DNAH7: variants seen among roughly 807,000 people sequenced by gnomAD.
The protein encoded by DNAH7 is axonemal beta dynein heavy chain 7.
A neutral mutation model predicts 444.6 loss-of-function variants in DNAH7; 397 were observed. That is an observed-to-expected ratio of 0.89 (90% confidence interval 0.82 to 0.97). The LOEUF is 0.97. Among genes scored for constraint, DNAH7 ranks in the 50% least tolerant of loss-of-function variants. The pLI is 0.00. For synonymous variants in DNAH7, 1,636 were observed against 1,624.4 expected, an observed-to-expected ratio of 1.01 and a Z score of -0.17; for missense variants, 4,902 against 4,800.8, an observed-to-expected ratio of 1.02 and a Z score of -0.62.
At chr2:195,982,305 C>A (rs1692627132) in intron 15 of DNAH7, among the ~76,000 whole-genome samples, 1 of 152,134 alleles carries the variant, frequency 6.6e-6, no homozygotes, top group Non-Finnish European at 1.5e-5. Context: ...GTTAAAATGG[C>A]TTTTATCCAA....
chr2:195,992,085 A>C (rs995392140), intron 12 of DNAH7, among the ~76,000 whole-genome samples: 4 of 152,236 alleles, frequency 2.6e-5, no homozygotes, highest in Admixed American at 2.0e-4. Flanking sequence ...GTTGCAAAAA[A>C]TCAGCTTTGT....
chr2:195,816,793 G>C lies in DNAH7; in HGVS notation c.9596C>G (p.Thr3199Ser). Residue 3199 changes from threonine to serine, a missense_variant, in exon 51 of 65, where the codon ACC becomes AGC. Transcript: ENST00000312428. ...GGCAATAGGACGATAGCCCATGCGG[G>C]TGGTGTCAATCTTTTTCTCTGTCTC... ...AEETEKKIDT[T>S]RMGYRPIAIH... 6.2e-7 allele frequency: 1 copy of C among 1,614,078 alleles called. No homozygotes were observed. Among genetic ancestry groups the C allele is most frequent in the South Asian group, 1.1e-5 (1 of 91,082 alleles).
At chr2:195,930,717 C>T (rs1331932509) in intron 21 of DNAH7, among the ~76,000 whole-genome samples, 4 of 152,090 alleles carry the variant, frequency 2.6e-5, no homozygotes, top group African/African-American at 9.7e-5. Context: ...CAAAAAGACA[C>T]ATATACTCAT....
At chr2:195,821,597 G>A (rs532217709) in intron 49 of DNAH7, among the ~76,000 whole-genome samples, 1 of 152,332 alleles carries the variant, frequency 6.6e-6, no homozygotes, top group East Asian at 1.9e-4. Flanking sequence ...AAACGATTTA[G>A]AAGAGATGTG....
At chr2:195,968,958 G>GACGTGTA (rs1691662334) in intron 17 of DNAH7, among the ~76,000 whole-genome samples, 1 of 152,182 alleles carries the variant, frequency 6.6e-6, no homozygotes, top group Non-Finnish European at 1.5e-5. Flanking sequence ...GTCCCTCCCC[G>GACGTGTA]ACGTGTACAG....
chr2:196,024,586 C>T, intron 7 of DNAH7, 82 bp from the exon 8 acceptor site: 2 of 700,502 alleles, frequency 2.9e-6, no homozygotes, highest in Non-Finnish European at 4.4e-6. Context: ...GCTAGTTCTA[C>T]TAAGATTAAC....
Position 195,871,795 on chromosome 2 carries a change from G to T in DNAH7, c.6633+455C>A, listed in dbSNP as rs1368738155. On this transcript the variant is annotated intron_variant, in intron 40 of 64. Coordinates refer to ENST00000312428, the MANE Select transcript of DNAH7 (RefSeq NM_018897.3). ...AAATACAAAAAATTAGCCGGGCGTA[G>T]TGGCGGGCGCCTGTAGTCCCAGCTA... is the stretch of plus-strand genomic sequence containing the variant. Among the ~76,000 whole-genome samples, 2 of 87,340 alleles carry T rather than the reference G, an allele frequency of 2.3e-5. 1 individual carries two copies. The highest frequency in any genetic ancestry group is 2.5e-4 in the African/African-American group (2 of 7,904). The allele number at this position is 87,340 out of a possible 152,430, so 57.3% of individuals were successfully genotyped here.
chr2:195,973,509 T>C (rs1691987700), intron 15 of DNAH7, among the ~76,000 whole-genome samples: 1 of 152,220 alleles, frequency 6.6e-6, no homozygotes, highest in Admixed American at 6.5e-5. Flanking sequence ...TCTCACTCTG[T>C]CACCCAGACT....
chr2:195,910,863 G>T (rs1255675584), intron 24 of DNAH7, among the ~76,000 whole-genome samples: 2 of 152,126 alleles, frequency 1.3e-5, no homozygotes, highest in Non-Finnish European at 2.9e-5. Flanking sequence ...TTCATGCGGG[G>T]CCTGATGAAA....
chr2:195,872,467 T>G lies in DNAH7; in HGVS notation c.6416A>C (p.Tyr2139Ser). ...ATCTAGAAATTCATCTGGAAATTTA[T>G]AACTTAAAAATTTTTTAAATAAAAA... ...RILTWHLEIC[Y>S]KFPDEFLDLT... Residue 2139 changes from tyrosine (Y) to serine (S), a missense_variant and splice_region_variant, in exon 40 of 65, where the codon TAT becomes TCT. Tyr to Ser is a moderately radical substitution (Grantham distance 144). Transcript: ENST00000312428. 6.3e-7 allele frequency: 1 copy of G among 1,578,446 alleles called. No homozygotes were observed. Among genetic ancestry groups the G allele is most frequent in the Non-Finnish European group, 8.6e-7 (1 of 1,161,818 alleles).
intron 1 of DNAH7, among the ~76,000 whole-genome samples, chr2:196,066,950 A>G (rs1163662969): frequency 6.6e-6 from 1 of 152,250 alleles, no homozygotes; most frequent in Non-Finnish European, 1.5e-5. Flanking sequence ...ATTAGTTTTT[A>G]AATTACAAAT....
chr2:195,985,372 T>C (rs1183589230), intron 14 of DNAH7, among the ~76,000 whole-genome samples: 1 of 152,106 alleles, frequency 6.6e-6, no homozygotes, highest in East Asian at 1.9e-4. Context: ...GTTTGTAACC[T>C]TCAGAGGGAA....
chr2:195,746,450 T>C (rs924723441), intron 63 of DNAH7, among the ~76,000 whole-genome samples: 6 of 152,052 alleles, frequency 3.9e-5, no homozygotes, highest in African/African-American at 9.7e-5. Context: ...GACAGAAAGT[T>C]AACAAGGATA....
Position 195,894,886 on chromosome 2 carries a change from C to T in DNAH7, c.4896+90G>A, listed in dbSNP as rs1702216301. The T allele has an allele frequency of 3.3e-6, 4 of 1,203,656 alleles. No individual in the cohort carries two copies. In the South Asian group the frequency reaches 7.8e-5, roughly 24 times the overall value. The allele number at this position is 1,203,656 out of a possible 1,614,324, so 74.6% of individuals were successfully genotyped here. ...TCATTTTTCTCATGATTTTAAGTTG[C>T]CACATTGAATGCATCTTTTAAAATA... On this transcript the variant is annotated intron_variant, in intron 30 of 64. Coordinates refer to ENST00000312428, the MANE Select transcript of DNAH7 (RefSeq NM_018897.3).
At chr2:195,916,686 C>T (rs1288984902) in intron 24 of DNAH7, among the ~76,000 whole-genome samples, 2 of 152,200 alleles carry the variant, frequency 1.3e-5, no homozygotes, top group East Asian at 3.9e-4. Flanking sequence ...GCTGAAACCC[C>T]ATCTCTACTA....
chr2:195,749,489 C>T (rs981816092), intron 63 of DNAH7, among the ~76,000 whole-genome samples: 2 of 152,146 alleles, frequency 1.3e-5, no homozygotes, highest in Admixed American at 6.5e-5. Flanking sequence ...TGGGTATATA[C>T]CCAAAGGACT....
rs760974399 is a variant in DNAH7 at position 195,740,800 on chromosome 2, G to A, written c.11834C>T (p.Ser3945Leu). Reference protein sequence around the residue: ...WNRKIKKLAESHPKILYDTVP... With the variant: ...WNRKIKKLAELHPKILYDTVP... ...TGTATCATAAAGAATTTTGGGATGC[G>A]ATTCTGCAAGTTTCTTGATCTTTCT... The change falls in exon 64 of 65, where the codon TCG becomes TTG. Residue 3945 changes from serine (S) to leucine (L), a missense_variant. Transcript: ENST00000312428. 43 of 1,551,544 alleles carry A rather than the reference G, an allele frequency of 2.8e-5. No homozygotes were observed. Among genetic ancestry groups the A allele is most frequent in the Middle Eastern group, 1.7e-4 (1 of 5,864 alleles).
intron 41 of DNAH7, among the ~76,000 whole-genome samples, chr2:195,862,891 C>T (rs150987295): frequency 1.3e-3 from 194 of 152,172 alleles, no homozygotes; most frequent in African/African-American, 4.5e-3. Context: ...CAAAAATTAG[C>T]CAGGAATGGT....
At chr2:196,004,039 T>TA (rs1173303525) in intron 10 of DNAH7, among the ~76,000 whole-genome samples, 4 of 152,194 alleles carry the variant, frequency 2.6e-5, no homozygotes, top group Admixed American at 6.5e-5. Context: ...TTAACATGAC[T>TA]ATTTCTACAG....
Sources: allele counts gnomAD v4.1 joint callset (sites outside exome capture counted in the v4.1 genomes callset), GRCh38; gene constraint gnomAD v4.1.1; transcripts MANE v1.5; gene names NCBI Gene and HGNC (gene_info 2026-07-23, HGNC 2026-07-21).